The following PAPPA variants were observed in gnomAD, a reference collection of about 807,000 sequenced individuals.
The protein encoded by PAPPA is pappalysin 1.
A neutral mutation model predicts 164.0 loss-of-function variants in PAPPA; 60 were observed. The ratio of observed to expected loss-of-function variants is 0.37; its 90% confidence interval spans 0.30 to 0.45. The LOEUF is 0.45. Among genes scored for constraint, PAPPA ranks in the 20% least tolerant of loss-of-function variants. The pLI, the probability that PAPPA is intolerant of heterozygous loss-of-function variation, is 1.00. For missense variants in PAPPA, 1,782 were observed against 2,087.3 expected, an observed-to-expected ratio of 0.85 and a Z score of 2.85; for synonymous variants, 875 against 814.1, an observed-to-expected ratio of 1.07 and a Z score of -1.27.
chr9:116,161,049 T>C (rs1414284239), intron 1 of PAPPA, among the ~76,000 whole-genome samples: 1 of 152,086 alleles, frequency 6.6e-6, no homozygotes, highest in Non-Finnish European at 1.5e-5. Flanking sequence ...GGAGAAGCCG[T>C]TGGCTGAGGT....
At chr9:116,169,307 A>ATT (rs1843748582) in intron 1 of PAPPA, among the ~76,000 whole-genome samples, 4 of 41,316 alleles carry the variant, frequency 9.7e-5, no homozygotes, top group African/African-American at 2.8e-4. Flanking sequence ...CTCCAAACCC[A>ATT]TTCTTTTTTT....
chr9:116,180,903 C>T (rs1029623595), intron 1 of PAPPA, among the ~76,000 whole-genome samples: 1 of 152,110 alleles, frequency 6.6e-6, no homozygotes, highest in Non-Finnish European at 1.5e-5. Flanking sequence ...CAGGGGACCT[C>T]GCCTCTCTGA....
At chr9:116,312,290 T>TTC (rs201013177) in intron 10 of PAPPA, among the ~76,000 whole-genome samples, 6 of 117,518 alleles carry the variant, frequency 5.1e-5, no homozygotes, top group Non-Finnish European at 9.5e-5. Context: ...CTTTCTTTCT[T>TTC]TTTTTTTTTT....
chr9:116,180,214 G>T (rs528580286), intron 1 of PAPPA, among the ~76,000 whole-genome samples: 2 of 152,182 alleles, frequency 1.3e-5, no homozygotes, highest in East Asian at 3.9e-4. Flanking sequence ...AAGTGAGGAA[G>T]CCCAGAGTAG....
In PAPPA at chr9:116,207,447, C is replaced by T; in HGVS notation, c.1479-9C>T. The T allele has an allele frequency of 6.3e-7, 1 of 1,599,160 alleles. No homozygotes were observed. On this transcript the variant is annotated splice_polypyrimidine_tract_variant and intron_variant, in intron 2 of 21. Transcript: ENST00000328252. ...CATGATAACAGCCAAGGTTCTTTTT[C>T]TGTTTCAGAGCCTACTTGGATGTTA...
chr9:116,278,757 A>C (rs559776977), intron 9 of PAPPA, among the ~76,000 whole-genome samples: 1 of 152,264 alleles, frequency 6.6e-6, no homozygotes, highest in African/African-American at 2.4e-5. Flanking sequence ...TGCAATTACT[A>C]CATGGGTCTT....
intron 1 of PAPPA, among the ~76,000 whole-genome samples, chr9:116,156,332 GTGTATATATATATA>G (rs1229549711): frequency 6.7e-5 from 3 of 44,784 alleles, no homozygotes; most frequent in East Asian, 3.5e-4. Flanking sequence ...ATATATATAT[GTGTATATATATATA>G]TGTATATATA....
At chr9:116,215,936 A>T (rs1265220887) in intron 4 of PAPPA, among the ~76,000 whole-genome samples, 1 of 138,526 alleles carries the variant, frequency 7.2e-6, no homozygotes, top group African/African-American at 2.7e-5. Flanking sequence ...AGATATTTAC[A>T]TCCATATACA....
chr9:116,372,245 A>G (rs1846584918), intron 19 of PAPPA, among the ~76,000 whole-genome samples: 2 of 152,144 alleles, frequency 1.3e-5, no homozygotes, highest in South Asian at 2.1e-4. Context: ...ACTATGGAAA[A>G]CACAGTTGTT....
chr9:116,226,702 A>C (rs1466060183), intron 5 of PAPPA, among the ~76,000 whole-genome samples: 1 of 152,190 alleles, frequency 6.6e-6, no homozygotes, highest in Non-Finnish European at 1.5e-5. Context: ...AGGATCCCAG[A>C]GACTCTATAG....
chr9:116,163,141 G>A (rs746221314), intron 1 of PAPPA, among the ~76,000 whole-genome samples: 21 of 152,188 alleles, frequency 1.4e-4, no homozygotes, highest in African/African-American at 4.3e-4. Flanking sequence ...AAACATCTCC[G>A]CCCTCAGGGA....
chr9:116,373,559 G>GA lies in PAPPA; in HGVS notation c.4606-4017_4606-4016insA, dbSNP rs1456866847. ...TCAGATCTGAGCCTCTGGATGAGGG[G>GA]GCTCTCTTAGATGCTTTCTCACATG... On this transcript the variant is annotated intron_variant, in intron 19 of 21. Coordinates refer to ENST00000328252, the MANE Select transcript of PAPPA (RefSeq NM_002581.5). The GA allele has an allele frequency of 2.0e-5, 3 of 152,168 alleles. No individual in the cohort carries two copies. In the East Asian group the frequency reaches 5.8e-4, roughly 30 times the overall value. 9.4% of individuals were successfully genotyped at this position (152,168 alleles called of 1,614,324 possible).
At chr9:116,232,200 C>T (rs913293008) in intron 6 of PAPPA, among the ~76,000 whole-genome samples, 1 of 152,154 alleles carries the variant, frequency 6.6e-6, no homozygotes, top group African/African-American at 2.4e-5. Flanking sequence ...ACTTAGCTTA[C>T]CAGCCTCAGC....
At chr9:116,195,032 G>C (rs1215541975) in intron 2 of PAPPA, among the ~76,000 whole-genome samples, 1 of 152,120 alleles carries the variant, frequency 6.6e-6, no homozygotes, top group Non-Finnish European at 1.5e-5. Flanking sequence ...CAAATGTCTG[G>C]CAGTGTTAAA....
In PAPPA at chr9:116,235,443, G is replaced by A; in HGVS notation, c.2538G>A (p.Val846=). The change falls in exon 7 of 22, where the codon GTG becomes GTA. Residue 846 remains valine (V), a synonymous_variant. Transcript: ENST00000328252. ...DVPLTIRLWD[V]GEEVYGIQIY... is the part of the protein sequence containing the mutation. ...CACTGACCATCAGACTCTGGGACGT[G>A]GGCGAGGAGGTGTATGGCATCCAAA... 2 of 1,613,018 alleles carry A rather than the reference G, an allele frequency of 1.2e-6. No individual in the cohort carries two copies. The highest frequency in any genetic ancestry group is 1.7e-6 in the Non-Finnish European group (2 of 1,179,676).
intron 2 of PAPPA, among the ~76,000 whole-genome samples, chr9:116,194,527 A>G (rs1378732445): frequency 6.6e-6 from 1 of 152,174 alleles, no homozygotes; most frequent in Non-Finnish European, 1.5e-5. Context: ...TAGTGGAAAA[A>G]TTATGCGTGC....
chr9:116,261,105 G>A (rs1277358760), intron 7 of PAPPA, among the ~76,000 whole-genome samples: 1 of 152,160 alleles, frequency 6.6e-6, no homozygotes, highest in Admixed American at 6.5e-5. Context: ...CATCTCACAA[G>A]GAGGATAATT....
At chr9:116,342,111 A>G (rs1846146036) in intron 13 of PAPPA, among the ~76,000 whole-genome samples, 1 of 152,248 alleles carries the variant, frequency 6.6e-6, no homozygotes, top group African/African-American at 2.4e-5. Context: ...GAGCCCAGGT[A>G]CCTTCTGAGC....
intron 2 of PAPPA, among the ~76,000 whole-genome samples, chr9:116,189,880 C>A (rs1844021489): frequency 6.6e-6 from 1 of 152,178 alleles, no homozygotes; most frequent in Non-Finnish European, 1.5e-5. Context: ...AGGATGCTGG[C>A]AGGAGAATGC....
Sources: gnomAD v4.1 joint callset for allele counts (sites outside exome capture counted in the v4.1 genomes callset) on GRCh38, gnomAD v4.1.1 for gene constraint, MANE v1.5 for transcripts, NCBI Gene and HGNC (gene_info 2026-07-23, HGNC 2026-07-21) for gene names.